Variants in SV2C observed in about 807,000 individuals in gnomAD.
SV2C encodes the protein synaptic vesicle glycoprotein 2C, also known as solute carrier family 22 member B3.
A neutral mutation model predicts 79.7 loss-of-function variants in SV2C; 49 were observed. The observed-to-expected ratio is 0.61, with a 90% CI of 0.49 to 0.78. The LOEUF is 0.78. Among genes scored for constraint, SV2C ranks in the 30% least tolerant of loss-of-function variants. SV2C has a pLI of 0.00. For missense variants in SV2C, 833 were observed against 912.9 expected (o/e 0.91, Z 1.13); for synonymous variants, 334 against 333.2 (o/e 1.00, Z -0.03).
intron 2 of SV2C, among the ~76,000 whole-genome samples, chr5:76,143,303 G>A (rs1331680455): frequency 1.3e-5 from 2 of 152,130 alleles, no homozygotes; most frequent in East Asian, 1.9e-4. Flanking sequence ...ACAGAGAGAC[G>A]ATAAAGGTGT....
the SV2C span, among the ~76,000 whole-genome samples, chr5:76,037,293 T>A: frequency 6.6e-6 from 1 of 152,268 alleles, no homozygotes; most frequent in African/African-American, 2.4e-5. Flanking sequence ...GGTGAGGAAC[T>A]TCGTTCCTTT....
the SV2C span, among the ~76,000 whole-genome samples, chr5:75,878,591 C>T: frequency 2.0e-5 from 3 of 152,084 alleles, no homozygotes; most frequent in East Asian, 5.8e-4. Context: ...CCAGCTCATA[C>T]CCTTTACCCA....
Position 76,095,408 on chromosome 5 carries a change from A to C in SV2C, c.-102+11896A>C, listed in dbSNP as rs1747522580. On this transcript the variant is annotated intron_variant, in intron 1 of 12. Transcript: ENST00000502798. ...TTCAGTTTCTTCTTATGTCAGCTTT[A>C]GTGTGCTGCCTTTAAAAAGAAATTT... Among the ~76,000 whole-genome samples, 6 of 152,134 alleles carry C rather than the reference A, an allele frequency of 3.9e-5. No homozygotes were observed. In the South Asian group the frequency reaches 1.2e-3, roughly 31 times the overall value.
intron 3 of SV2C, among the ~76,000 whole-genome samples, chr5:76,199,501 T>G (rs1170400425): frequency 6.6e-6 from 1 of 152,228 alleles, no homozygotes; most frequent in African/African-American, 2.4e-5. Context: ...TTTCCTGTTT[T>G]GTCTCCTTGG....
intron 2 of SV2C, among the ~76,000 whole-genome samples, chr5:76,150,592 T>TG (rs965687541): frequency 6.8e-6 from 1 of 146,926 alleles, no homozygotes; most frequent in African/African-American, 2.5e-5. Flanking sequence ...ACACCAGCAG[T>TG]GGCCCAACTA....
chr5:75,896,079 A>ATTT, the SV2C span, among the ~76,000 whole-genome samples: 2 of 151,896 alleles, frequency 1.3e-5, no homozygotes, highest in South Asian at 2.1e-4. Context: ...TATTATTATT[A>ATTT]TACTTTAAGT....
chr5:76,069,438 G>T, the SV2C span, among the ~76,000 whole-genome samples: 1 of 152,240 alleles, frequency 6.6e-6, no homozygotes, highest in Non-Finnish European at 1.5e-5. Context: ...ATCCCTGATC[G>T]TCATTCTGCT....
In SV2C at chr5:76,194,990, A is replaced by G; in HGVS notation, c.652A>G (p.Lys218Glu). 1 of 1,614,076 alleles carries G rather than the reference A, an allele frequency of 6.2e-7. No individual in the cohort carries two copies. Among genetic ancestry groups the G allele is most frequent in the Non-Finnish European group, 8.5e-7 (1 of 1,179,962 alleles). The change falls in exon 3 of 13, where the codon AAA becomes GAA. Residue 218 changes from lysine (K) to glutamate (E), a missense_variant. Coordinates refer to ENST00000502798, the MANE Select transcript of SV2C (RefSeq NM_014979.4). The stretch of plus-strand genomic sequence containing the variant: ...AGGACTGGCAGACAAAGTGGGAAGG[A>G]AACAGTCTCTTCTGATTTGCATGTC... ...WGGLADKVGR[K>E]QSLLICMSVN...
intron 1 of SV2C, among the ~76,000 whole-genome samples, chr5:76,092,686 T>C (rs989224780): frequency 2.0e-5 from 3 of 152,212 alleles, no homozygotes; most frequent in African/African-American, 4.8e-5. Flanking sequence ...CGACTGTGTA[T>C]TTGACGGGAT....
chr5:76,072,132 G>T, the SV2C span, among the ~76,000 whole-genome samples: 1 of 152,068 alleles, frequency 6.6e-6, no homozygotes, highest in East Asian at 1.9e-4. Flanking sequence ...AGATATGCAG[G>T]TTTCTCCAGA....
At chr5:76,300,597 A>G (rs1580048751) in intron 10 of SV2C, 132 bp from the exon 11 acceptor site, 1 of 868,488 alleles carries the variant, frequency 1.2e-6, no homozygotes, top group East Asian at 2.6e-5. Context: ...CAAAAAGTCA[A>G]GCTAGCATAG....
intron 1 of SV2C, among the ~76,000 whole-genome samples, chr5:76,126,486 C>T (rs1748710211): frequency 6.6e-6 from 1 of 152,126 alleles, no homozygotes; most frequent in South Asian, 2.1e-4. Flanking sequence ...CTCTCAACCC[C>T]ACCCCACTCC....
intron 2 of SV2C, chr5:76,173,966 T>A: frequency 6.4e-7 from 1 of 1,562,258 alleles, no homozygotes; most frequent in Non-Finnish European, 8.8e-7. Context: ...TTGTCCATTT[T>A]TCATGTATAA....
chr5:76,012,777 T>C, the SV2C span, among the ~76,000 whole-genome samples: 9 of 152,230 alleles, frequency 5.9e-5, no homozygotes, highest in Non-Finnish European at 4.4e-5. Flanking sequence ...GAGTTAATTT[T>C]TGTATAAGGT....
the SV2C span, among the ~76,000 whole-genome samples, chr5:75,959,918 C>T: frequency 6.6e-6 from 1 of 152,004 alleles, no homozygotes; most frequent in East Asian, 1.9e-4. Context: ...TTACTGCTTC[C>T]TTAGACAAAA....
At chr5:75,938,925 G>C in the SV2C span, among the ~76,000 whole-genome samples, 1 of 152,074 alleles carries the variant, frequency 6.6e-6, no homozygotes, top group Non-Finnish European at 1.5e-5. Flanking sequence ...TTCTTGATTT[G>C]GGGGTGGTAA....
chr5:75,949,458 G>C, the SV2C span, among the ~76,000 whole-genome samples: 1 of 151,926 alleles, frequency 6.6e-6, no homozygotes. Context: ...ATTTAAAAGA[G>C]AGATGGTGCT....
intron 2 of SV2C, among the ~76,000 whole-genome samples, chr5:76,136,631 G>A (rs1749079313): frequency 6.6e-6 from 1 of 152,062 alleles, no homozygotes; most frequent in Admixed American, 6.5e-5. Context: ...ACTCATCTAG[G>A]AATTGACATT....
intron 2 of SV2C, among the ~76,000 whole-genome samples, chr5:76,135,162 G>A (rs997779537): frequency 6.6e-6 from 1 of 152,254 alleles, no homozygotes; most frequent in South Asian, 2.1e-4. Context: ...GGGGAGGAGG[G>A]GACCAATTAA....
Sources: gnomAD v4.1 joint callset for allele counts (sites outside exome capture counted in the v4.1 genomes callset) on GRCh38, gnomAD v4.1.1 for gene constraint, MANE v1.5 for transcripts, NCBI Gene and HGNC (gene_info 2026-07-23, HGNC 2026-07-21) for gene names.